The following SF3A1 variants were observed in gnomAD, a reference collection of about 807,000 sequenced individuals.
The protein encoded by SF3A1 is SAP 114.
SF3A1 carries 13 observed loss-of-function variants against 89.9 expected under a neutral mutation model. The ratio of observed to expected loss-of-function variants is 0.14; its 90% CI spans 0.09 to 0.23. The LOEUF is 0.23. SF3A1 is among the 10% of genes least tolerant of loss of function. The pLI, the probability that SF3A1 is intolerant of heterozygous loss-of-function variation, is 1.00. For missense variants in SF3A1, 604 were observed against 1,022.1 expected, an observed-to-expected ratio of 0.59 and a Z score of 5.58; for synonymous variants, 405 against 374.4, an observed-to-expected ratio of 1.08 and a Z score of -0.94.
chr22:30,353,831 A>G (rs982072343), intron 1 of SF3A1, among the ~76,000 whole-genome samples: 3 of 152,186 alleles, frequency 2.0e-5, no homozygotes, highest in Non-Finnish European at 4.4e-5. Flanking sequence ...GTCCTGCTAC[A>G]TTACCAAATG....
At chr22:30,338,082 G>A (rs1010084835) in intron 11 of SF3A1, among the ~76,000 whole-genome samples, 185 bp from the exon 12 acceptor site, 6 of 152,140 alleles carry the variant, frequency 3.9e-5, no homozygotes, top group Admixed American at 2.6e-4. Flanking sequence ...CTGAGAGCCC[G>A]AGGATGACAC....
chr22:30,339,287 G>A (rs770626910), intron 9 of SF3A1, 36 bp from the exon 10 acceptor site: 27 of 1,610,714 alleles, frequency 1.7e-5, no homozygotes, highest in Middle Eastern at 1.6e-4. Flanking sequence ...AGGATAGAAA[G>A]AGAAAATAAA....
chr22:30,344,252 G>C (rs1931350636), intron 4 of SF3A1, among the ~76,000 whole-genome samples: 1 of 152,196 alleles, frequency 6.6e-6, no homozygotes, highest in Non-Finnish European at 1.5e-5. Context: ...TCTGTAAAGT[G>C]AACATAGCAA....
At chr22:30,339,058 A>G (rs11089445) in intron 10 of SF3A1, 24 bp from the exon 11 acceptor site, 145,762 of 1,613,816 alleles carry the variant, frequency 0.09, 7,274 homozygotes, top group African/African-American at 0.17. Flanking sequence ...CAAAGCCACA[A>G]TGCTTCTGGA....
rs903453209 is a variant in SF3A1 at position 30,341,871 on chromosome 22, G to A, written c.892C>T (p.Pro298Ser). 3.1e-6 allele frequency: 5 copies of A among 1,612,780 alleles called. No homozygotes were observed. Among genetic ancestry groups the A allele is most frequent in the East Asian group, 4.5e-5 (2 of 44,878 alleles). ...GCCCCCAGCTCCTCTGGCGTGGTGGGGGGAGGGAAGTTCCCTAGAGGGTGA... is the reference window on the plus strand; with the variant it reads ...GCCCCCAGCTCCTCTGGCGTGGTGGAGGGAGGGAAGTTCCCTAGAGGGTGA... ...QPNEQGNFPP[P>S]TTPEELGARI... The change falls in exon 7 of 16, where the codon CCC (proline) becomes TCC (serine). Residue 298 changes from proline to serine, a missense_variant. Physicochemically the swap from Pro to Ser is moderately conservative, Grantham distance 74. Transcript: ENST00000215793.
chr22:30,341,089 CG>C (rs35333376), intron 7 of SF3A1, among the ~76,000 whole-genome samples: 4 of 52,224 alleles, frequency 7.7e-5, no homozygotes, highest in Admixed American at 5.1e-4. Context: ...CTTAACATGC[CG>C]GGGGGGGACA....
At chr22:30,349,633 T>C (rs530766656) in intron 2 of SF3A1, among the ~76,000 whole-genome samples, 1 of 151,634 alleles carries the variant, frequency 6.6e-6, no homozygotes, top group Admixed American at 6.6e-5. Context: ...AAAATCAATC[T>C]AGGGATGTGC....
intron 2 of SF3A1, among the ~76,000 whole-genome samples, chr22:30,347,858 T>TGCC (rs1931466077): frequency 6.6e-6 from 1 of 152,232 alleles, no homozygotes; most frequent in Non-Finnish European, 1.5e-5. Flanking sequence ...GTTTTTGTTT[T>TGCC]ATAGACAGGG....
chr22:30,356,816 G>C lies in SF3A1; in HGVS notation c.-24C>G. 1 of 1,334,508 alleles carries C rather than the reference G, an allele frequency of 7.5e-7. No individual in the cohort carries two copies. Among genetic ancestry groups the C allele is most frequent in the Non-Finnish European group, 9.7e-7 (1 of 1,033,440 alleles). 82.7% of individuals were successfully genotyped at this position (1,334,508 alleles called of 1,614,324 possible). ...ATGACTGCGACGCTCAGGGCTGCCA[G>C]TCCGCCTCGGTGTCGGTGAGCGGTG... On this transcript the variant is annotated 5_prime_UTR_variant, in exon 1 of 16. Coordinates refer to ENST00000215793, the MANE Select transcript of SF3A1 (RefSeq NM_005877.6).
intron 8 of SF3A1, 78 bp downstream of exon 8, chr22:30,340,617 A>C: frequency 1.0e-6 from 1 of 958,050 alleles, no homozygotes; most frequent in Non-Finnish European, 1.7e-6. Flanking sequence ...CCCTCCTAGA[A>C]AGACGGGTGT....
At chr22:30,339,761 A>G (rs752929211) in intron 9 of SF3A1, among the ~76,000 whole-genome samples, 2 of 152,224 alleles carry the variant, frequency 1.3e-5, no homozygotes, top group African/African-American at 2.4e-5. Flanking sequence ...TCATTCATAA[A>G]TAAAACACAT....
chr22:30,345,171 T>C lies in SF3A1; in HGVS notation c.413A>G (p.Gln138Arg). 3 of 1,613,636 alleles carry C rather than the reference T, an allele frequency of 1.9e-6. No homozygotes were observed. Among genetic ancestry groups the C allele is most frequent in the Non-Finnish European group, 1.7e-6 (2 of 1,179,684 alleles). Residue 138 changes from glutamine to arginine, a missense_variant, in exon 4 of 16, where the codon CAA becomes CGA. Around this residue, in one of 9 missense-constraint regions of SF3A1, gnomAD observed 162 missense variants for 229.2 expected, o/e 0.71. Coordinates refer to ENST00000215793, the MANE Select transcript of SF3A1 (RefSeq NM_005877.6). ...LPQKVQAQVI[Q>R]ETIVPKEPPP... The stretch of plus-strand genomic sequence containing the variant: ...AGGCTCTTTGGGCACGATGGTCTCT[T>C]GGATTACTTGGGCTTGGACCTAAGA...
intron 1 of SF3A1, among the ~76,000 whole-genome samples, chr22:30,353,720 G>T (rs1931671257): frequency 6.6e-6 from 1 of 152,012 alleles, no homozygotes. Context: ...TTCTTTTTCG[G>T]GGAGCTCGGC....
chr22:30,342,843 T>G lies in SF3A1; in HGVS notation c.688A>C (p.Lys230Gln), dbSNP rs746140763. Residue 230 changes from lysine (K) to glutamine (Q), a missense_variant, in exon 5 of 16, where the codon AAG (lysine) becomes CAG (glutamine). Physicochemically the swap from Lys to Gln is moderately conservative, Grantham distance 53 (BLOSUM62 1). Coordinates refer to ENST00000215793, the MANE Select transcript of SF3A1 (RefSeq NM_005877.6). ...IPPKGLFSKL[K>Q]KEAENPREVL... ...TCTCGGGGGTTTTCAGCCTCTTTCT[T>G]GAGCTTTGAAAATAAACCTTTGGGT... The G allele has an allele frequency of 1.9e-6, 3 of 1,613,138 alleles. No individual in the cohort carries two copies. The highest frequency in any genetic ancestry group is 3.3e-5 in the Admixed American group (2 of 60,012).
chr22:30,335,398 C>G (rs17657174), intron 15 of SF3A1, 69 bp downstream of exon 15: 288,833 of 1,330,422 alleles, frequency 0.22, 33,505 homozygotes, highest in Middle Eastern at 0.28. Flanking sequence ...GCTTCCATGA[C>G]AGATTTAGCT....
rs919084228 is a variant in SF3A1, at chr22:30,333,562, T to C, written c.*1032A>G. The C allele has an allele frequency of 3.3e-5, 5 of 152,222 alleles. No individual in the cohort carries two copies. The highest frequency in any genetic ancestry group is 1.2e-4 in the African/African-American group (5 of 41,458). 9.4% of individuals were successfully genotyped at this position (152,222 alleles called of 1,614,324 possible). A position where few individuals can be genotyped will look rare whatever the true frequency, so the allele number is the denominator to read the frequency against. On this transcript the variant is annotated 3_prime_UTR_variant, in exon 16 of 16. Transcript: ENST00000215793. Reference sequence around the variant, plus strand: ...TGCCTTTACTCAGAAACCAGGACTGTGACGTGTTTTGCACACATTCTCTTT... The same window carrying C: ...TGCCTTTACTCAGAAACCAGGACTGCGACGTGTTTTGCACACATTCTCTTT...
chr22:30,350,336 G>C (rs1931553229), intron 2 of SF3A1, among the ~76,000 whole-genome samples: 2 of 120,430 alleles, frequency 1.7e-5, no homozygotes, highest in African/African-American at 5.8e-5. Flanking sequence ...AAAAAAATTA[G>C]CTGGGTGTGG....
rs1931163306 is a variant in SF3A1, at chr22:30,338,891, G to A, written c.1641C>T (p.Pro547=). 1 of 1,614,074 alleles carries A rather than the reference G, an allele frequency of 6.2e-7. No homozygotes were observed. The highest frequency in any genetic ancestry group is 1.7e-5 in the Admixed American group (1 of 60,004). Residue 547 remains proline, a synonymous_variant, in exon 11 of 16, where the codon CCC becomes CCT. Transcript: ENST00000215793. ...GTTGAGGGATTTCATTGGGCTTGCT[G>A]GGGCCAATCTTCTCTTTAGTGTCAT... ...PEDDTKEKIG[P]SKPNEIPQQP...
rs780076310 is a variant in SF3A1 at position 30,341,583 on chromosome 22, G to A, written c.1071+109C>T. ...CTGTATGGCCTTGTTCAGGACCCAC[G>A]CCTCCTTTCAAGGCTCACAGGGGAG... On this transcript the variant is annotated intron_variant, in intron 7 of 15. Transcript: ENST00000215793. 1.0e-4 allele frequency: 62 copies of A among 599,170 alleles called. 6 individuals are homozygous for A. The highest frequency in any genetic ancestry group is 1.4e-4 in the Non-Finnish European group (51 of 363,764). The allele number at this position is 599,170 out of a possible 1,614,324, so 37.1% of individuals were successfully genotyped here.
Sources: gnomAD v4.1 joint callset for allele counts (sites outside exome capture counted in the v4.1 genomes callset) on GRCh38, gnomAD v4.1.1 for gene constraint, gnomAD v4.1.1 regional missense constraint, MANE v1.5 for transcripts, NCBI Gene and HGNC (gene_info 2026-07-23, HGNC 2026-07-21) for gene names.